MAD1L1: variants seen among roughly 807,000 people sequenced by gnomAD.
MAD1L1 encodes the protein mitotic spindle assembly checkpoint protein MAD1.
Under a neutral mutation model 96.9 loss-of-function variants are expected in MAD1L1, and 95 were observed. That is an observed-to-expected ratio of 0.98 (90% CI 0.83 to 1.16). The LOEUF is 1.16. MAD1L1 is among the 50% of genes most tolerant of loss of function. The probability of loss-of-function intolerance (pLI) is 0.00; values close to 1 mark genes in which losing one functional copy is unlikely to be tolerated. For synonymous variants in MAD1L1, 473 were observed against 396.6 expected (o/e 1.19, Z -2.29); for missense variants, 1,007 against 954.4 (o/e 1.06, Z -0.73).
At chr7:2,166,479 T>TA (rs11298868) in intron 10 of MAD1L1, among the ~76,000 whole-genome samples, 4 of 152,004 alleles carry the variant, frequency 2.6e-5, no homozygotes, top group South Asian at 2.1e-4. Context: ...CTGTTCAAGC[T>TA]AAAAAAAAGC....
chr7:1,907,995 G>T (rs1466978889), intron 17 of MAD1L1, among the ~76,000 whole-genome samples: 3 of 152,244 alleles, frequency 2.0e-5, no homozygotes, highest in Non-Finnish European at 4.4e-5. Flanking sequence ...GAGCTCAGGA[G>T]TCCGGCCAGG....
At chr7:1,946,949 G>A (rs1042233101) in intron 16 of MAD1L1, among the ~76,000 whole-genome samples, 2 of 152,258 alleles carry the variant, frequency 1.3e-5, no homozygotes, top group African/African-American at 2.4e-5. Flanking sequence ...AAGTCCTGGA[G>A]GAGGAGGCTG....
At chr7:1,920,862 C>CA (rs944229878) in intron 17 of MAD1L1, among the ~76,000 whole-genome samples, 2 of 152,170 alleles carry the variant, frequency 1.3e-5, no homozygotes, top group Non-Finnish European at 2.9e-5. Flanking sequence ...AAACCGACAG[C>CA]AAAAAACCCT....
At chr7:1,885,640 C>T (rs944515915) in intron 18 of MAD1L1, among the ~76,000 whole-genome samples, 6 of 152,212 alleles carry the variant, frequency 3.9e-5, no homozygotes, top group African/African-American at 7.2e-5. Flanking sequence ...CCCCCCAGTT[C>T]CGTCCACCTC....
chr7:2,001,577 T>C (rs1157068389), intron 14 of MAD1L1, among the ~76,000 whole-genome samples: 4 of 152,162 alleles, frequency 2.6e-5, no homozygotes, highest in Non-Finnish European at 5.9e-5. Flanking sequence ...CCTGCTGCAT[T>C]CACAGAGGGC....
intron 14 of MAD1L1, among the ~76,000 whole-genome samples, chr7:1,988,812 T>A (rs1370944617): frequency 6.6e-6 from 1 of 152,160 alleles, no homozygotes; most frequent in Non-Finnish European, 1.5e-5. Flanking sequence ...GAGCCTATCC[T>A]GTGGAAATCA....
intron 12 of MAD1L1, among the ~76,000 whole-genome samples, chr7:2,046,424 C>T (rs1462027051): frequency 6.6e-6 from 1 of 152,074 alleles, no homozygotes; most frequent in Non-Finnish European, 1.5e-5. Flanking sequence ...CCAACCCTCC[C>T]CTCCAGACAG....
intron 10 of MAD1L1, among the ~76,000 whole-genome samples, chr7:2,203,026 G>A (rs974355173): frequency 6.6e-5 from 10 of 152,106 alleles, no homozygotes; most frequent in Admixed American, 2.0e-4. Context: ...AGCAATGCCC[G>A]CCTCCCACCT....
intron 16 of MAD1L1, among the ~76,000 whole-genome samples, chr7:1,950,998 C>T (rs866611638): frequency 2.6e-5 from 4 of 152,342 alleles, no homozygotes; most frequent in East Asian, 1.9e-4. Flanking sequence ...GAGGAGGAGG[C>T]GGGGGACCAG....
At chr7:1,863,653 C>G (rs998482341) in intron 18 of MAD1L1, among the ~76,000 whole-genome samples, 21 of 152,350 alleles carry the variant, frequency 1.4e-4, no homozygotes, top group African/African-American at 4.8e-4. Flanking sequence ...AGCCTGTGTT[C>G]TCAGCTGCCC....
chr7:1,932,346 CGTGCCACAGCCA>C (rs1239093621), intron 17 of MAD1L1, among the ~76,000 whole-genome samples: 1 of 151,772 alleles, frequency 6.6e-6, no homozygotes, highest in Admixed American at 6.6e-5. Context: ...GTCTGCTCTG[CGTGCCACAGCCA>C]CACTCTTTCC....
chr7:1,935,495 G>A (rs972803084), intron 17 of MAD1L1, among the ~76,000 whole-genome samples: 7 of 152,184 alleles, frequency 4.6e-5, no homozygotes, highest in Non-Finnish European at 7.4e-5. Context: ...GGCAGGGTGC[G>A]CCCAGACTCA....
chr7:1,924,444 C>A (rs767094579), intron 17 of MAD1L1, among the ~76,000 whole-genome samples: 1 of 152,184 alleles, frequency 6.6e-6, no homozygotes, highest in African/African-American at 2.4e-5. Context: ...GGTTGCTCAT[C>A]AGAAACCACA....
At chr7:1,888,118 T>C (rs1178061926) in intron 18 of MAD1L1, among the ~76,000 whole-genome samples, 1 of 145,658 alleles carries the variant, frequency 6.9e-6, no homozygotes, top group Non-Finnish European at 1.5e-5. Context: ...TGTGCCTGTG[T>C]GTGAGCATTG....
chr7:2,204,961 C>G (rs192373446), intron 10 of MAD1L1, among the ~76,000 whole-genome samples: 3 of 152,270 alleles, frequency 2.0e-5, no homozygotes, highest in Admixed American at 6.5e-5. Context: ...TTAATTTTAG[C>G]CATTTTATTG....
intron 12 of MAD1L1, among the ~76,000 whole-genome samples, chr7:2,037,443 CCATGTTCCCAACAG>C (rs1783490185): frequency 6.6e-6 from 1 of 151,842 alleles, no homozygotes; most frequent in Admixed American, 6.6e-5. Flanking sequence ...CGGCGAGGCA[CCATGTTCCCAACAG>C]CATGTGCTCC....
chr7:2,010,485 T>C (rs1156758169), intron 13 of MAD1L1, among the ~76,000 whole-genome samples: 1 of 152,078 alleles, frequency 6.6e-6, no homozygotes, highest in Non-Finnish European at 1.5e-5. Context: ...CAAGGTGGCG[T>C]GCACTGCGTA....
intron 18 of MAD1L1, among the ~76,000 whole-genome samples, chr7:1,834,021 A>G (rs1213728794): frequency 6.6e-6 from 1 of 152,250 alleles, no homozygotes; most frequent in Admixed American, 6.5e-5. Flanking sequence ...GAAATTAGTA[A>G]CAGAACGGCA....
intron 18 of MAD1L1, among the ~76,000 whole-genome samples, chr7:1,888,735 A>T (rs1318261525): frequency 6.7e-6 from 1 of 149,378 alleles, no homozygotes; most frequent in Non-Finnish European, 1.5e-5. Context: ...GTGGCTGTGC[A>T]TGGGTGGGCA....
Sources: allele counts gnomAD v4.1 joint callset (sites outside exome capture counted in the v4.1 genomes callset), GRCh38; gene constraint gnomAD v4.1.1; transcripts MANE v1.5; gene names NCBI Gene and HGNC (gene_info 2026-07-23, HGNC 2026-07-21).